The following ARHGEF12 variants were observed in gnomAD, a reference collection of about 807,000 sequenced individuals.
The protein encoded by ARHGEF12 is Rho guanine nucleotide exchange factor 12.
A neutral mutation model predicts 211.2 loss-of-function variants in ARHGEF12; 66 were observed. The ratio of observed to expected loss-of-function variants is 0.31; its 90% CI spans 0.26 to 0.38. The LOEUF (loss-of-function observed/expected upper bound fraction) is 0.38. Ranked by LOEUF, ARHGEF12 falls within the 10% of genes least tolerant of loss-of-function variation. ARHGEF12 has a pLI of 1.00. For synonymous variants in ARHGEF12, 592 were observed against 638.4 expected (o/e 0.93, Z 1.09); for missense variants, 1,429 against 1,869.5 (o/e 0.76, Z 4.34).
At position 120,408,342 on chromosome 11, in the gene ARHGEF12, C is replaced by G. The variant is rs75765077; in HGVS notation, c.142+519C>G. ...AAGTATTCTGAACTTAAAGAGCTGT[C>G]TTTCAACCTAAGCAGTGTCGATCTT... is the stretch of plus-strand genomic sequence containing the variant. On this transcript the variant is annotated intron_variant, in intron 3 of 40. Transcript: ENST00000397843. 8.4e-3 allele frequency: 1,273 copies of G among 152,336 alleles called. 86 individuals are homozygous for G. The South Asian group carries it at 0.16, about 19-fold the overall frequency. 9.4% of individuals were successfully genotyped at this position (152,336 alleles called of 1,614,324 possible).
chr11:120,406,023 A>C (rs1490149892), intron 1 of ARHGEF12, 95 bp from the exon 2 acceptor site: 1 of 935,560 alleles, frequency 1.1e-6, no homozygotes. Flanking sequence ...ATAAGATTTA[A>C]ATCTCTTATT....
chr11:120,413,845 G>C (rs1453467050), intron 4 of ARHGEF12, among the ~76,000 whole-genome samples: 1 of 152,182 alleles, frequency 6.6e-6, no homozygotes, highest in Non-Finnish European at 1.5e-5. Context: ...GGTGAAGAAA[G>C]ACTAATGTGC....
At chr11:120,473,020 A>G (rs1946915386) in intron 30 of ARHGEF12, 30 bp from the exon 31 acceptor site, 1 of 1,599,796 alleles carries the variant, frequency 6.3e-7, no homozygotes, top group Admixed American at 1.7e-5. Context: ...CCAAAGCACT[A>G]ACCTTGGTTC....
intron 11 of ARHGEF12, among the ~76,000 whole-genome samples, chr11:120,434,553 G>A (rs1359204685): frequency 6.6e-6 from 1 of 152,194 alleles, no homozygotes; most frequent in Non-Finnish European, 1.5e-5. Flanking sequence ...TGTTTTAACA[G>A]TACTTTGAGT....
chr11:120,342,278 G>A (rs1391630553), intron 1 of ARHGEF12, among the ~76,000 whole-genome samples: 1 of 152,062 alleles, frequency 6.6e-6, no homozygotes, highest in Non-Finnish European at 1.5e-5. Context: ...TATCTCTTGA[G>A]GATAAAGCTT....
In ARHGEF12 at chr11:120,475,291, G is replaced by A. The variant is rs754381674; in HGVS notation, c.3110-49G>A. On this transcript the variant is annotated intron_variant, in intron 32 of 40. Coordinates refer to ENST00000397843, the MANE Select transcript of ARHGEF12 (RefSeq NM_015313.3). ...TGAATCATTATAAAGTTAATCAAAC[G>A]CGTCTCCATTTCTGTACTTACCATT... The A allele has an allele frequency of 3.6e-5, 54 of 1,519,366 alleles. No homozygotes were observed. The South Asian group carries it at 5.0e-4, about 14-fold the overall frequency. The allele number at this position is 1,519,366 out of a possible 1,614,324, so 94.1% of individuals were successfully genotyped here. A position where few individuals can be genotyped will look rare whatever the true frequency, so the allele number is the denominator to read the frequency against.
At chr11:120,477,568 A>T (rs1947085236) in intron 36 of ARHGEF12, 42 bp downstream of exon 36, 1 of 1,559,840 alleles carries the variant, frequency 6.4e-7, no homozygotes, top group Non-Finnish European at 8.8e-7. Context: ...GTGCTCTATT[A>T]TCTGTTAAAA....
chr11:120,409,171 G>A (rs531323873), intron 3 of ARHGEF12: 87 of 514,896 alleles, frequency 1.7e-4, no homozygotes, highest in African/African-American at 1.5e-3. Context: ...TGTTTTGTTT[G>A]AACATATTTT....
intron 4 of ARHGEF12, among the ~76,000 whole-genome samples, chr11:120,416,199 C>T (rs1259230586): frequency 6.6e-6 from 1 of 152,092 alleles, no homozygotes; most frequent in Non-Finnish European, 1.5e-5. Flanking sequence ...CTCCGATGAC[C>T]TCCCTTTCTG....
chr11:120,447,011 A>C lies in ARHGEF12; in HGVS notation c.1515A>C (p.Arg505=). The C allele has an allele frequency of 6.2e-7, 1 of 1,614,246 alleles. No individual in the cohort carries two copies. Among genetic ancestry groups the C allele is most frequent in the Non-Finnish European group, 8.5e-7 (1 of 1,180,046 alleles). ...AGCTGACTAAACTTGATGCAGAGCG[A>C]GACAAGGACCGATTGACTTTGGAGA... ...ESELTKLDAE[R]DKDRLTLEKE... The change falls in exon 18 of 41, where the codon CGA becomes CGC. Residue 505 remains arginine (R), a synonymous_variant. Transcript: ENST00000397843.
At chr11:120,427,537 T>TAA (rs548654543) in intron 7 of ARHGEF12, among the ~76,000 whole-genome samples, 1 of 142,732 alleles carries the variant, frequency 7.0e-6, no homozygotes. Flanking sequence ...ACCCTATCTT[T>TAA]AAAAAAAAAA....
chr11:120,423,947 C>T (rs967843747), intron 6 of ARHGEF12, among the ~76,000 whole-genome samples: 3 of 152,038 alleles, frequency 2.0e-5, no homozygotes, highest in Admixed American at 6.5e-5. Flanking sequence ...AAACTAAAAG[C>T]AAATTGAATA....
chr11:120,442,165 T>G lies in ARHGEF12; in HGVS notation c.1265T>G (p.Phe422Cys). The G allele has an allele frequency of 6.2e-7, 1 of 1,610,854 alleles. No homozygotes were observed. The highest frequency in any genetic ancestry group is 8.5e-7 in the Non-Finnish European group (1 of 1,179,398). ...AATTCCAAAGAAACTCGTCGCATCTTCCTTGAGTTTCATCAGTTCTTTCTA... is the reference window on the plus strand; with the variant it reads ...AATTCCAAAGAAACTCGTCGCATCTGCCTTGAGTTTCATCAGTTCTTTCTA... ...HTNSKETRRI[F>C]LEFHQFFLDR... The change falls in exon 15 of 41, where the codon TTC (phenylalanine) becomes TGC (cysteine). Residue 422 changes from phenylalanine to cysteine, a missense_variant. Physicochemically the swap from Phe to Cys is radical, Grantham distance 205 (BLOSUM62 -2). This residue lies in a region of ARHGEF12 where 373 missense variants were observed against 467.5 expected (regional missense o/e 0.80). Coordinates refer to ENST00000397843, the MANE Select transcript of ARHGEF12 (RefSeq NM_015313.3).
At chr11:120,337,326 A>G (rs1565409500) in intron 1 of ARHGEF12, 51 bp downstream of exon 1, 1 of 1,612,564 alleles carries the variant, frequency 6.2e-7, no homozygotes, top group Middle Eastern at 1.8e-4. Flanking sequence ...GGCCCGACCT[A>G]GCAGGGGAGT....
At chr11:120,409,558 T>G in intron 4 of ARHGEF12, 108 bp downstream of exon 4, 1 of 1,096,704 alleles carries the variant, frequency 9.1e-7, no homozygotes, top group Non-Finnish European at 1.3e-6. Context: ...ACTGCAGCCT[T>G]TCTTGTGTCT....
intron 26 of ARHGEF12, 98 bp from the exon 27 acceptor site, chr11:120,460,574 T>C: frequency 1.2e-6 from 1 of 834,280 alleles, no homozygotes; most frequent in Non-Finnish European, 1.9e-6. Context: ...ACTGTGAAAA[T>C]CGTCTTTATA....
intron 1 of ARHGEF12, among the ~76,000 whole-genome samples, chr11:120,364,969 TA>T (rs1943383798): frequency 1.3e-5 from 2 of 152,062 alleles, no homozygotes; most frequent in Non-Finnish European, 2.9e-5. Context: ...TAATTTTGTG[TA>T]GAGACAAGCT....
At chr11:120,393,570 G>A (rs1944285302) in intron 1 of ARHGEF12, among the ~76,000 whole-genome samples, 1 of 152,038 alleles carries the variant, frequency 6.6e-6, no homozygotes, top group Admixed American at 6.6e-5. Flanking sequence ...AATATCAACA[G>A]GGATAAAAAA....
At chr11:120,387,151 A>T (rs147872418) in intron 1 of ARHGEF12, among the ~76,000 whole-genome samples, 1 of 151,930 alleles carries the variant, frequency 6.6e-6, no homozygotes, top group Non-Finnish European at 1.5e-5. Context: ...CATATGGTCT[A>T]TGGAAACAAT....
Sources: gnomAD v4.1 joint callset for allele counts (sites outside exome capture counted in the v4.1 genomes callset) on GRCh38, gnomAD v4.1.1 for gene constraint, gnomAD v4.1.1 regional missense constraint, MANE v1.5 for transcripts, NCBI Gene and HGNC (gene_info 2026-07-23, HGNC 2026-07-21) for gene names.